NAV3: variants seen among roughly 807,000 people sequenced by gnomAD.
NAV3 encodes neuron navigator 3.
In NAV3, 87 loss-of-function variants were observed where a neutral mutation model predicts 244.7. That is an observed-to-expected ratio of 0.36 (90% CI 0.30 to 0.42). NAV3 has a LOEUF of 0.42. Ranked by LOEUF, NAV3 falls within the 20% of genes least tolerant of loss-of-function variation. NAV3 has a pLI of 1.00. For missense variants in NAV3, 2,663 were observed against 2,893.3 expected, an observed-to-expected ratio of 0.92 and a Z score of 1.83; for synonymous variants, 1,126 against 1,042.2, an observed-to-expected ratio of 1.08 and a Z score of -1.55.
chr12:77,866,394 T>A (rs947770976), intron 1 of NAV3, among the ~76,000 whole-genome samples: 1 of 152,180 alleles, frequency 6.6e-6, no homozygotes, highest in Non-Finnish European at 1.5e-5. Flanking sequence ...TTAACTTGAG[T>A]GCCTGCTGGC....
At chr12:78,067,390 A>C (rs1474814076) in intron 12 of NAV3, among the ~76,000 whole-genome samples, 1 of 152,080 alleles carries the variant, frequency 6.6e-6, no homozygotes, top group East Asian at 1.9e-4. Context: ...AGACCAATGC[A>C]AAATAATAGG....
At chr12:78,089,188 A>T (rs1334081153) in intron 12 of NAV3, among the ~76,000 whole-genome samples, 1 of 152,092 alleles carries the variant, frequency 6.6e-6, no homozygotes, top group Non-Finnish European at 1.5e-5. Context: ...AAAAAAAGTC[A>T]ATTTATGGAA....
intron 2 of NAV3, among the ~76,000 whole-genome samples, chr12:77,652,337 G>C (rs1374870802): frequency 6.6e-6 from 1 of 152,132 alleles, no homozygotes; most frequent in Non-Finnish European, 1.5e-5. Context: ...ATGCCGTGTT[G>C]CTTCAAAGTC....
chr12:77,776,453 A>G (rs1356672286), intron 2 of NAV3, among the ~76,000 whole-genome samples: 2 of 152,232 alleles, frequency 1.3e-5, no homozygotes, highest in Non-Finnish European at 2.9e-5. Flanking sequence ...AGGCATAAGC[A>G]AACCTTTTTT....
chr12:77,653,795 T>G (rs1592543682), intron 2 of NAV3, among the ~76,000 whole-genome samples: 1 of 152,138 alleles, frequency 6.6e-6, no homozygotes, highest in East Asian at 1.9e-4. Context: ...TATAAACACA[T>G]ATAATATACA....
intron 23 of NAV3, among the ~76,000 whole-genome samples, chr12:78,166,959 A>G (rs1347895197): frequency 4.0e-5 from 6 of 151,818 alleles, no homozygotes; most frequent in Non-Finnish European, 8.8e-5. Flanking sequence ...GATTTTAATT[A>G]GAATTTAATA....
At chr12:78,078,993 T>G (rs1266978465) in intron 12 of NAV3, among the ~76,000 whole-genome samples, 1 of 152,192 alleles carries the variant, frequency 6.6e-6, no homozygotes, top group Non-Finnish European at 1.5e-5. Flanking sequence ...GACTTGGTGA[T>G]TCCTTAAATA....
intron 2 of NAV3, among the ~76,000 whole-genome samples, chr12:77,613,635 A>C (rs1000692565): frequency 3.7e-4 from 56 of 152,234 alleles, no homozygotes; most frequent in African/African-American, 1.3e-3. Context: ...CCTGCCCGTA[A>C]GTTAGAAAAG....
intron 11 of NAV3, among the ~76,000 whole-genome samples, chr12:78,058,040 G>A (rs1883773729): frequency 6.6e-6 from 1 of 152,188 alleles, no homozygotes. Context: ...CTGAACTGGA[G>A]TTTCTTTAAG....
rs371681994 is a variant in NAV3 at position 78,188,390 on chromosome 12, C to T, written c.5886+47C>T. The T allele has an allele frequency of 8.8e-5, 130 of 1,473,260 alleles. 1 individual carries two copies. The African/African-American group carries it at 1.5e-3, about 17-fold the overall frequency. The allele number at this position is 1,473,260 out of a possible 1,614,324, so 91.3% of individuals were successfully genotyped here. A position where few individuals can be genotyped will look rare whatever the true frequency, so the allele number is the denominator to read the frequency against. On this transcript the variant is annotated intron_variant, in intron 32 of 39. Coordinates refer to ENST00000397909, the MANE Select transcript of NAV3 (RefSeq NM_001024383.2). ...AATAGTACTTTTCAAATATGTTTCT[C>T]TTTAATTGTTTTCCATAACTTCAAT...
intron 2 of NAV3, among the ~76,000 whole-genome samples, chr12:77,760,424 C>T (rs1229300320): frequency 6.6e-6 from 1 of 152,170 alleles, no homozygotes; most frequent in African/African-American, 2.4e-5. Context: ...AAGGAGAACG[C>T]TAAGCTGCAT....
intron 2 of NAV3, among the ~76,000 whole-genome samples, chr12:77,584,185 C>T (rs1308730224): frequency 1.3e-5 from 2 of 152,186 alleles, no homozygotes; most frequent in Non-Finnish European, 2.9e-5. Flanking sequence ...TCTACCAGGT[C>T]AGGGACATTG....
At chr12:78,035,364 C>A (rs531501132) in intron 9 of NAV3, among the ~76,000 whole-genome samples, 1 of 152,018 alleles carries the variant, frequency 6.6e-6, no homozygotes, top group African/African-American at 2.4e-5. Flanking sequence ...ACTGAAAGGT[C>A]GATAGTCTTC....
At chr12:77,797,530 T>G (rs1031350486) in intron 2 of NAV3, among the ~76,000 whole-genome samples, 1 of 144,818 alleles carries the variant, frequency 6.9e-6, no homozygotes, top group Admixed American at 6.7e-5. Flanking sequence ...AAAAGTTTTT[T>G]TTTTTTTTTT....
chr12:77,647,913 C>T (rs1220716884), intron 2 of NAV3, among the ~76,000 whole-genome samples: 2 of 152,094 alleles, frequency 1.3e-5, no homozygotes, highest in African/African-American at 4.8e-5. Flanking sequence ...TACATCTCTA[C>T]TTCTCCTTAA....
At chr12:78,078,133 ACATC>A (rs1953147759) in intron 12 of NAV3, among the ~76,000 whole-genome samples, 1 of 152,110 alleles carries the variant, frequency 6.6e-6, no homozygotes, top group Non-Finnish European at 1.5e-5. Flanking sequence ...TTCAGTAAGA[ACATC>A]CATCATGTTA....
chr12:77,739,032 A>AG (rs1868278776), intron 2 of NAV3, among the ~76,000 whole-genome samples: 1 of 150,748 alleles, frequency 6.6e-6, no homozygotes, highest in African/African-American at 2.4e-5. Flanking sequence ...AAAAAAAAAA[A>AG]AAAAAAGACT....
At chr12:78,210,258 G>A (rs774940385) in intron 39 of NAV3, 140 bp from the exon 40 acceptor site, 21 of 1,312,316 alleles carry the variant, frequency 1.6e-5, no homozygotes, top group Middle Eastern at 2.8e-4. Flanking sequence ...CAGGGGCAAC[G>A]AGTAAAAATC....
intron 5 of NAV3, among the ~76,000 whole-genome samples, chr12:77,970,639 C>A (rs887052857): frequency 6.6e-6 from 1 of 152,006 alleles, no homozygotes; most frequent in Non-Finnish European, 1.5e-5. Flanking sequence ...TCTTTAAGCT[C>A]ATCTTGGCTT....
Sources: allele counts gnomAD v4.1 joint callset (sites outside exome capture counted in the v4.1 genomes callset), GRCh38; gene constraint gnomAD v4.1.1; transcripts MANE v1.5; gene names NCBI Gene and HGNC (gene_info 2026-07-23, HGNC 2026-07-21).